The following EFCAB6 variants were observed in gnomAD, a reference collection of about 807,000 sequenced individuals.
The protein encoded by EFCAB6 is EF-hand calcium-binding domain-containing protein 6.
A neutral mutation model predicts 169.8 loss-of-function variants in EFCAB6; 156 were observed. That is an observed-to-expected ratio of 0.92 (90% CI 0.81 to 1.05). The LOEUF (loss-of-function observed/expected upper bound fraction) is 1.05, where lower values mean the gene tolerates loss of function less well. Ranked by LOEUF, EFCAB6 falls within the 50% of genes least tolerant of loss-of-function variation. The pLI, the probability that EFCAB6 is intolerant of heterozygous loss-of-function variation, is 0.00. For missense variants in EFCAB6, 1,800 were observed against 1,829.1 expected, an observed-to-expected ratio of 0.98 and a Z score of 0.29; for synonymous variants, 698 against 676.4, an observed-to-expected ratio of 1.03 and a Z score of -0.50.
At chr22:43,765,659 T>C (rs1028174369) in intron 4 of EFCAB6, among the ~76,000 whole-genome samples, 1 of 152,054 alleles carries the variant, frequency 6.6e-6, no homozygotes, top group Non-Finnish European at 1.5e-5. Context: ...TTATTTAAAA[T>C]CGCCTAAAAA....
intron 17 of EFCAB6, among the ~76,000 whole-genome samples, chr22:43,664,258 AGGGT>A (rs2057140440): frequency 6.6e-6 from 1 of 152,190 alleles, no homozygotes; most frequent in Admixed American, 6.5e-5. Flanking sequence ...ATCAGTCCTC[AGGGT>A]GGCATTCATT....
intron 17 of EFCAB6, among the ~76,000 whole-genome samples, chr22:43,661,633 A>G (rs2057006646): frequency 6.6e-6 from 1 of 152,196 alleles, no homozygotes; most frequent in African/African-American, 2.4e-5. Flanking sequence ...CACAGTAGAT[A>G]TCACACATCC....
rs1009663333 is a variant in EFCAB6 at position 43,702,984 on chromosome 22, C to G, written c.1031+8491G>C. ...TTCAGCCCAGCCTCAAAGCCCACCC[C>G]AAGGACCCACATAGGCAGGAAGGCA... is the stretch of plus-strand genomic sequence containing the variant. On this transcript the variant is annotated intron_variant, in intron 10 of 31. Transcript: ENST00000262726. Among the ~76,000 whole-genome samples the G allele has an allele frequency of 2.6e-5, 4 of 152,162 alleles. No individual in the cohort carries two copies. The East Asian group carries it at 7.7e-4, about 29-fold the overall frequency.
chr22:43,618,177 A>AAGGAAGGGAG (rs2053848465), intron 20 of EFCAB6, among the ~76,000 whole-genome samples: 1 of 52,138 alleles, frequency 1.9e-5, no homozygotes, highest in African/African-American at 5.6e-5. Context: ...AAAGAAAGAA[A>AAGGAAGGGAG]GAAAGAAAGA....
At chr22:43,689,551 C>T (rs377525488) in intron 10 of EFCAB6, among the ~76,000 whole-genome samples, 1 of 152,196 alleles carries the variant, frequency 6.6e-6, no homozygotes, top group Non-Finnish European at 1.5e-5. Context: ...AACCCATCAA[C>T]AGCGCTCATG....
In EFCAB6 at chr22:43,669,033, C is replaced by T; in HGVS notation, c.1653G>A (p.Lys551=). 2 of 1,602,596 alleles carry T rather than the reference C, an allele frequency of 1.2e-6. No individual in the cohort carries two copies. The highest frequency in any genetic ancestry group is 2.3e-5 in the South Asian group (2 of 87,986). ...TNAHFIKLCS[K]IQDIGSGRIL... is the part of the protein sequence containing the mutation. ...TTCTTCCTGAACCAATGTCCTGAAT[C>T]TTACTGCAGAGTCTGAATTTTAAAA... Residue 551 remains lysine, a synonymous_variant, in exon 16 of 32, where the codon AAG becomes AAA. Transcript: ENST00000262726.
chr22:43,619,547 G>A (rs970150144), intron 20 of EFCAB6, among the ~76,000 whole-genome samples: 2 of 152,190 alleles, frequency 1.3e-5, no homozygotes, highest in East Asian at 3.9e-4. Flanking sequence ...TTCATGAAGA[G>A]CAAACATACT....
chr22:43,758,521 A>G (rs568968382), intron 5 of EFCAB6, among the ~76,000 whole-genome samples: 1 of 152,346 alleles, frequency 6.6e-6, no homozygotes, highest in Non-Finnish European at 1.5e-5. Context: ...AGAAAACTTT[A>G]ACTCAATTTA....
chr22:43,758,657 C>G (rs959419265), intron 5 of EFCAB6, among the ~76,000 whole-genome samples: 9 of 152,162 alleles, frequency 5.9e-5, no homozygotes, highest in South Asian at 2.1e-4. Context: ...TTGCCACTTT[C>G]TTTGCTTTTC....
chr22:43,777,567 T>A (rs1027026067), intron 3 of EFCAB6, among the ~76,000 whole-genome samples: 1 of 152,188 alleles, frequency 6.6e-6, no homozygotes, highest in Non-Finnish European at 1.5e-5. Context: ...AGCAGCTGCG[T>A]GCTTCAGTAT....
At chr22:43,586,932 G>C (rs1385461258) in intron 24 of EFCAB6, among the ~76,000 whole-genome samples, 1 of 152,174 alleles carries the variant, frequency 6.6e-6, no homozygotes, top group African/African-American at 2.4e-5. Context: ...GTATGTGGAA[G>C]AAGAGAACAG....
Position 43,784,547 on chromosome 22 carries a change from A to ATATACACACATATATATG in EFCAB6, c.-7-2223_-7-2222insCATATATATGTGTGTATA, listed in dbSNP as rs1204100633. On this transcript the variant is annotated intron_variant, in intron 2 of 31. Coordinates refer to ENST00000262726, the MANE Select transcript of EFCAB6 (RefSeq NM_022785.4). ...TGTGTGTGTGTGTGTGTGTGTGTAT[A>ATATACACACATATATATG]TGTATATATACACATATATATGTGT... 3.6e-4 allele frequency among the ~76,000 whole-genome samples: 29 copies of ATATACACACATATATATG among 81,112 alleles called. 2 individuals are homozygous for ATATACACACATATATATG. Among genetic ancestry groups the ATATACACACATATATATG allele is most frequent in the Non-Finnish European group, 6.5e-4 (27 of 41,264 alleles). 53.2% of individuals were successfully genotyped at this position (81,112 alleles called of 152,430 possible).
intron 13 of EFCAB6, among the ~76,000 whole-genome samples, chr22:43,673,952 G>A (rs2057609110): frequency 6.8e-6 from 1 of 148,032 alleles, no homozygotes; most frequent in Non-Finnish European, 1.5e-5. Context: ...GGGTGACACA[G>A]CAAGACTCCG....
chr22:43,536,062 A>G (rs1336530136), intron 29 of EFCAB6: 2 of 152,226 alleles, frequency 1.3e-5, no homozygotes, highest in Non-Finnish European at 2.9e-5. Context: ...CATGACTAAC[A>G]TCTGACAAGC....
At chr22:43,558,525 TATGTGC>T (rs1177477251) in intron 26 of EFCAB6, among the ~76,000 whole-genome samples, 1 of 152,206 alleles carries the variant, frequency 6.6e-6, no homozygotes, top group African/African-American at 2.4e-5. Context: ...TTTTCCAAAG[TATGTGC>T]TCATATCATG....
At chr22:43,618,204 A>AAGAAAG (rs1375766462) in intron 20 of EFCAB6, among the ~76,000 whole-genome samples, 1 of 143,334 alleles carries the variant, frequency 7.0e-6, no homozygotes, top group African/African-American at 2.5e-5. Context: ...GAAAGAAAGA[A>AAGAAAG]AGAAAGAAAG....
chr22:43,613,936 G>C (rs1447921290), intron 21 of EFCAB6, among the ~76,000 whole-genome samples: 1 of 151,906 alleles, frequency 6.6e-6, no homozygotes. Context: ...AAACCAGCCT[G>C]GTCTTATTTG....
intron 8 of EFCAB6, among the ~76,000 whole-genome samples, chr22:43,717,224 T>C (rs998839218): frequency 8.6e-5 from 13 of 152,020 alleles, no homozygotes; most frequent in South Asian, 2.1e-4. Context: ...AATAGAATAA[T>C]ACAACCATAA....
chr22:43,662,417 G>A (rs1247607524), intron 17 of EFCAB6, among the ~76,000 whole-genome samples: 1 of 151,992 alleles, frequency 6.6e-6, no homozygotes, highest in Non-Finnish European at 1.5e-5. Flanking sequence ...TAAATAATTG[G>A]CACTTCCAAT....
Sources: gnomAD v4.1 joint callset for allele counts (sites outside exome capture counted in the v4.1 genomes callset) on GRCh38, gnomAD v4.1.1 for gene constraint, MANE v1.5 for transcripts, NCBI Gene and HGNC (gene_info 2026-07-23, HGNC 2026-07-21) for gene names.